Variants in AGBL4 observed in about 807,000 individuals in gnomAD.
AGBL4 encodes AGBL carboxypeptidase 4.
In AGBL4, 58 loss-of-function variants were observed where a neutral mutation model predicts 66.4. The ratio of observed to expected loss-of-function variants is 0.87; its 90% CI spans 0.71 to 1.09. The LOEUF (loss-of-function observed/expected upper bound fraction) is 1.09, where lower values mean the gene tolerates loss of function less well. Among genes scored for constraint, AGBL4 ranks in the 50% least tolerant of loss-of-function variants. The probability of loss-of-function intolerance (pLI) is 0.00; values close to 1 mark genes in which losing one functional copy is unlikely to be tolerated. For synonymous variants in AGBL4, 234 were observed against 222.9 expected (o/e 1.05, Z -0.44); for missense variants, 579 against 631.0 (o/e 0.92, Z 0.88).
At chr1:49,785,953 G>A (rs1644444418) in intron 2 of AGBL4, among the ~76,000 whole-genome samples, 1 of 150,238 alleles carries the variant, frequency 6.7e-6, no homozygotes, top group Admixed American at 6.6e-5. Context: ...TATGGGAAAA[G>A]GTATCAGGAA....
chr1:49,940,418 A>G (rs1571917432), intron 1 of AGBL4, among the ~76,000 whole-genome samples: 2 of 152,328 alleles, frequency 1.3e-5, no homozygotes, highest in East Asian at 3.9e-4. Context: ...TTATTGCGGC[A>G]TTATTCACAA....
chr1:49,101,093 T>G (rs983081559), intron 4 of AGBL4, among the ~76,000 whole-genome samples: 2 of 152,196 alleles, frequency 1.3e-5, no homozygotes, highest in African/African-American at 4.8e-5. Context: ...CTACAGGTTC[T>G]GTGACCTTGT....
intron 9 of AGBL4, among the ~76,000 whole-genome samples, chr1:48,613,081 C>T (rs1570003607): frequency 2.0e-5 from 3 of 152,010 alleles, no homozygotes; most frequent in Admixed American, 2.0e-4. Flanking sequence ...TTGCAGTGAA[C>T]CGAGATTGCA....
chr1:49,335,100 G>T (rs1432760921), intron 3 of AGBL4, among the ~76,000 whole-genome samples: 1 of 152,180 alleles, frequency 6.6e-6, no homozygotes, highest in Non-Finnish European at 1.5e-5. Flanking sequence ...GACTTCATAT[G>T]GCCAAAACAG....
chr1:49,271,753 TAA>T (rs1224641106), intron 3 of AGBL4, among the ~76,000 whole-genome samples: 1 of 151,668 alleles, frequency 6.6e-6, no homozygotes, highest in African/African-American at 2.4e-5. Context: ...ATAAAAAATC[TAA>T]AAGAGATGTC....
intron 9 of AGBL4, among the ~76,000 whole-genome samples, chr1:48,597,888 AAGAG>A (rs1300319787): frequency 2.7e-5 from 4 of 149,964 alleles, no homozygotes; most frequent in Admixed American, 1.3e-4. Context: ...GAAAAAAAGA[AAGAG>A]GGAGGGAGGG....
At chr1:49,526,536 C>T (rs755025312) in intron 3 of AGBL4, among the ~76,000 whole-genome samples, 2 of 151,958 alleles carry the variant, frequency 1.3e-5, no homozygotes, top group African/African-American at 2.4e-5. Context: ...AGGAATCTCC[C>T]ATTTGGAGAG....
At chr1:49,195,534 TG>T (rs1486515715) in intron 4 of AGBL4, among the ~76,000 whole-genome samples, 2 of 152,306 alleles carry the variant, frequency 1.3e-5, no homozygotes, top group Admixed American at 1.3e-4. Flanking sequence ...CTTAGTGTAA[TG>T]GGGTTTCCTT....
At chr1:48,785,682 A>G (rs945596442) in intron 6 of AGBL4, among the ~76,000 whole-genome samples, 4 of 152,198 alleles carry the variant, frequency 2.6e-5, no homozygotes, top group Non-Finnish European at 5.9e-5. Flanking sequence ...TAATAATAAC[A>G]TAATAGTAGC....
intron 5 of AGBL4, among the ~76,000 whole-genome samples, chr1:48,930,301 A>G (rs1400594941): frequency 3.9e-5 from 6 of 152,036 alleles, no homozygotes; most frequent in East Asian, 1.9e-4. Flanking sequence ...TTCTTCCCCA[A>G]TGACAGTTCT....
intron 1 of AGBL4, among the ~76,000 whole-genome samples, chr1:49,962,904 T>C (rs1657234554): frequency 6.6e-6 from 1 of 152,124 alleles, no homozygotes; most frequent in African/African-American, 2.4e-5. Context: ...ATCAAGGTCA[T>C]AAAAGTAGTT....
chr1:49,862,205 T>G (rs907592722), intron 1 of AGBL4, among the ~76,000 whole-genome samples: 2 of 152,012 alleles, frequency 1.3e-5, no homozygotes, highest in African/African-American at 4.8e-5. Flanking sequence ...TGAAATACCT[T>G]TTAAAAACTC....
intron 1 of AGBL4, among the ~76,000 whole-genome samples, chr1:49,947,875 C>T (rs969726020): frequency 5.9e-5 from 8 of 136,742 alleles, no homozygotes; most frequent in Non-Finnish European, 1.2e-4. Flanking sequence ...GTACACAAAT[C>T]AGCAGCTCTT....
chr1:49,513,534 A>T (rs1175299492), intron 3 of AGBL4, among the ~76,000 whole-genome samples: 1 of 151,916 alleles, frequency 6.6e-6, no homozygotes, highest in Admixed American at 6.6e-5. Context: ...TTCCTGCATT[A>T]ATTTGCTTAG....
At chr1:49,386,064 A>T (rs1028178191) in intron 3 of AGBL4, among the ~76,000 whole-genome samples, 2 of 152,052 alleles carry the variant, frequency 1.3e-5, no homozygotes, top group Admixed American at 1.3e-4. Context: ...AAATTCTTAC[A>T]ATCCTACTGA....
intron 1 of AGBL4, among the ~76,000 whole-genome samples, chr1:49,960,641 T>C (rs1571964624): frequency 2.0e-5 from 3 of 152,112 alleles, no homozygotes; most frequent in Non-Finnish European, 4.4e-5. Flanking sequence ...TCACTATACA[T>C]TGTATGTATC....
chr1:49,445,696 C>T (rs1269122916), intron 3 of AGBL4, among the ~76,000 whole-genome samples: 1 of 151,886 alleles, frequency 6.6e-6, no homozygotes, highest in Non-Finnish European at 1.5e-5. Context: ...TTCTTCTGTT[C>T]CAGAATTTCT....
chr1:48,750,600 G>A (rs1348815856), intron 6 of AGBL4, among the ~76,000 whole-genome samples: 2 of 152,212 alleles, frequency 1.3e-5, no homozygotes, highest in Non-Finnish European at 2.9e-5. Flanking sequence ...CTTTAAGGTG[G>A]CAAGGGGGGC....
At chr1:49,114,578 T>C (rs565789534) in intron 4 of AGBL4, among the ~76,000 whole-genome samples, 24 of 152,238 alleles carry the variant, frequency 1.6e-4, no homozygotes, top group Non-Finnish European at 2.9e-4. Context: ...GGAAGAAGCC[T>C]ATCTTTCTTC....
Sources: gnomAD v4.1 joint callset for allele counts (sites outside exome capture counted in the v4.1 genomes callset) on GRCh38, gnomAD v4.1.1 for gene constraint, MANE v1.5 for transcripts, NCBI Gene and HGNC (gene_info 2026-07-23, HGNC 2026-07-21) for gene names.